KMT2C: variants seen among roughly 807,000 people sequenced by gnomAD.
The protein encoded by KMT2C is histone-lysine N-methyltransferase 2C.
Under a neutral mutation model 507.9 loss-of-function variants are expected in KMT2C, and 88 were observed. The ratio of observed to expected loss-of-function variants is 0.17; its 90% confidence interval spans 0.15 to 0.21. The LOEUF (loss-of-function observed/expected upper bound fraction) is 0.21. Ranked by LOEUF, KMT2C falls within the 10% of genes least tolerant of loss-of-function variation. KMT2C has a pLI of 1.00. For missense variants in KMT2C, 4,954 were observed against 5,957.8 expected, an observed-to-expected ratio of 0.83 and a Z score of 5.55; for synonymous variants, 2,049 against 2,080.8, an observed-to-expected ratio of 0.98 and a Z score of 0.42.
At chr7:152,433,267 T>G (rs1243041792) in intron 1 of KMT2C, among the ~76,000 whole-genome samples, 1 of 152,250 alleles carries the variant, frequency 6.6e-6, no homozygotes. Context: ...TTAATTTTCA[T>G]TTCTCAGGTG....
chr7:152,395,009 A>C (rs1308676357), intron 1 of KMT2C, among the ~76,000 whole-genome samples: 2 of 152,172 alleles, frequency 1.3e-5, no homozygotes, highest in African/African-American at 4.8e-5. Context: ...GAAATAGGGT[A>C]CTGGTAGGCA....
At chr7:152,434,347 T>A (rs1434105418) in intron 1 of KMT2C, among the ~76,000 whole-genome samples, 2 of 152,176 alleles carry the variant, frequency 1.3e-5, no homozygotes, top group Non-Finnish European at 1.5e-5. Context: ...CTGAATCATT[T>A]TCATAGTAAA....
intron 14 of KMT2C, among the ~76,000 whole-genome samples, chr7:152,243,112 T>C (rs2095414164): frequency 6.6e-6 from 1 of 152,214 alleles, no homozygotes; most frequent in Non-Finnish European, 1.5e-5. Flanking sequence ...GTCTCATATA[T>C]AAAATTGAGT....
chr7:152,357,273 C>T (rs1273686112), intron 2 of KMT2C, among the ~76,000 whole-genome samples: 1 of 151,782 alleles, frequency 6.6e-6, no homozygotes, highest in Non-Finnish European at 1.5e-5. Flanking sequence ...GCCTGTAATC[C>T]CAGCACTTTG....
chr7:152,147,377 C>T lies in KMT2C; in HGVS notation c.13895-642G>A, dbSNP rs1044060068. Among the ~76,000 whole-genome samples the T allele has an allele frequency of 7.2e-5, 11 of 152,122 alleles. No homozygotes were observed. The East Asian group carries it at 1.5e-3, about 21-fold the overall frequency. On this transcript the variant is annotated intron_variant, in intron 52 of 58. Coordinates refer to ENST00000262189, the MANE Select transcript of KMT2C (RefSeq NM_170606.3). ...AGATGTCATTCCTGCCTTCTAGAAACTGACTTTAAGAAAAAGGGGGTCCCT... is the reference window on the plus strand; with the variant it reads ...AGATGTCATTCCTGCCTTCTAGAAATTGACTTTAAGAAAAAGGGGGTCCCT...
chr7:152,178,106 G>A (rs1266482119), intron 37 of KMT2C, 96 bp from the exon 38 acceptor site: 2 of 1,219,300 alleles, frequency 1.6e-6, no homozygotes, highest in Non-Finnish European at 2.1e-6. Flanking sequence ...CAATTAAACT[G>A]TACATACAAA....
chr7:152,358,445 A>G, intron 2 of KMT2C, 142 bp downstream of exon 2: 1 of 499,136 alleles, frequency 2.0e-6, no homozygotes, highest in Non-Finnish European at 3.5e-6. Flanking sequence ...ATTAGTTATC[A>G]AAACAAGGCA....
At chr7:152,326,558 G>C (rs752280448) in intron 3 of KMT2C, among the ~76,000 whole-genome samples, 4 of 151,960 alleles carry the variant, frequency 2.6e-5, no homozygotes, top group African/African-American at 4.8e-5. Flanking sequence ...TATTCATTTA[G>C]AACATTTTAT....
intron 11 of KMT2C, among the ~76,000 whole-genome samples, 159 bp downstream of exon 11, chr7:152,251,780 G>A (rs1337904442): frequency 1.3e-5 from 2 of 152,064 alleles, no homozygotes; most frequent in Admixed American, 6.6e-5. Flanking sequence ...ATTCAGAGAT[G>A]ACCAAGATAA....
chr7:152,416,911 T>C (rs1259463335), intron 1 of KMT2C, among the ~76,000 whole-genome samples: 1 of 151,212 alleles, frequency 6.6e-6, no homozygotes, highest in Non-Finnish European at 1.5e-5. Flanking sequence ...TAGCCAGGCA[T>C]GGTGGCACAC....
At chr7:152,299,138 T>A (rs996007693) in intron 6 of KMT2C, among the ~76,000 whole-genome samples, 3 of 151,198 alleles carry the variant, frequency 2.0e-5, no homozygotes, top group Admixed American at 2.0e-4. Flanking sequence ...GCCAACATGG[T>A]GAAACCCCGT....
At chr7:152,257,528 TACTG>T (rs1284150999) in intron 9 of KMT2C, among the ~76,000 whole-genome samples, 2 of 152,098 alleles carry the variant, frequency 1.3e-5, no homozygotes, top group Non-Finnish European at 2.9e-5. Context: ...TAAAATCTAT[TACTG>T]AGAGCAAACT....
intron 41 of KMT2C, among the ~76,000 whole-genome samples, chr7:152,167,614 A>C (rs1423788109): frequency 6.6e-6 from 1 of 152,252 alleles, no homozygotes; most frequent in Non-Finnish European, 1.5e-5. Flanking sequence ...CTTAGCACTT[A>C]TAAATATTAC....
At chr7:152,340,838 C>CA (rs1744160899) in intron 2 of KMT2C, among the ~76,000 whole-genome samples, 1 of 151,630 alleles carries the variant, frequency 6.6e-6, no homozygotes, top group East Asian at 1.9e-4. Flanking sequence ...TGTCAAAAGC[C>CA]AAAAAATATG....
intron 26 of KMT2C, among the ~76,000 whole-genome samples, chr7:152,202,192 T>TA (rs1223229894): frequency 6.6e-6 from 1 of 152,324 alleles, no homozygotes; most frequent in East Asian, 1.9e-4. Context: ...CTCTCAATGA[T>TA]AGTCTGTTCC....
intron 1 of KMT2C, among the ~76,000 whole-genome samples, chr7:152,379,226 A>C (rs2097351460): frequency 6.6e-6 from 1 of 152,092 alleles, no homozygotes; most frequent in South Asian, 2.1e-4. Context: ...TTTTTCCAAA[A>C]CACTGTGCAG....
chr7:152,203,824 A>G (rs1477449167), intron 25 of KMT2C, among the ~76,000 whole-genome samples: 1 of 152,166 alleles, frequency 6.6e-6, no homozygotes, highest in African/African-American at 2.4e-5. Flanking sequence ...TTTTACAACA[A>G]TCTTTTTAAA....
rs1282778993 is a variant in KMT2C, at chr7:152,145,266, A to G, written c.14061T>C (p.Tyr4687=). Residue 4687 remains tyrosine, a synonymous_variant, in exon 54 of 59, where the codon TAT becomes TAC. Coordinates refer to ENST00000262189, the MANE Select transcript of KMT2C (RefSeq NM_170606.3). ...GAGGATTTCGGCCGTATCGGAAGGT[A>G]TAATTTTCACATGCCTCAACCCCAG... ...SLPGVEACEN[Y]TFRYGRNPLM... 12 of 1,614,210 alleles carry G rather than the reference A, an allele frequency of 7.4e-6. No homozygotes were observed. Among genetic ancestry groups the G allele is most frequent in the South Asian group, 3.3e-5 (3 of 91,084 alleles).
chr7:152,423,255 G>A (rs566586564), intron 1 of KMT2C, among the ~76,000 whole-genome samples: 9 of 152,018 alleles, frequency 5.9e-5, no homozygotes, highest in Admixed American at 2.6e-4. Flanking sequence ...CAGGAGAATC[G>A]CTTGAACTCG....
Sources: allele counts gnomAD v4.1 joint callset (sites outside exome capture counted in the v4.1 genomes callset), GRCh38; gene constraint gnomAD v4.1.1; transcripts MANE v1.5; gene names NCBI Gene and HGNC (gene_info 2026-07-23, HGNC 2026-07-21).